Variants in NFATC3 observed in about 807,000 individuals in gnomAD.
The protein encoded by NFATC3 is nuclear factor of activated T cells 3.
A neutral mutation model predicts 98.6 loss-of-function variants in NFATC3; 46 were observed. The ratio of observed to expected loss-of-function variants is 0.47; its 90% CI spans 0.37 to 0.60. The LOEUF is 0.60. Ranked by LOEUF, NFATC3 falls within the 20% of genes least tolerant of loss-of-function variation. NFATC3 has a pLI of 0.00. For synonymous variants in NFATC3, 512 were observed against 472.2 expected, an observed-to-expected ratio of 1.08 and a Z score of -1.09; for missense variants, 1,256 against 1,295.5, an observed-to-expected ratio of 0.97 and a Z score of 0.47.
chr16:68,138,502 G>A, intron 3 of NFATC3: 1 of 1,266,886 alleles, frequency 7.9e-7, no homozygotes, highest in Admixed American at 2.7e-5. Context: ...CTTTCAAATT[G>A]TTGCTCAGGA....
intron 3 of NFATC3, among the ~76,000 whole-genome samples, chr16:68,139,538 A>G (rs1414714577): frequency 6.6e-6 from 1 of 152,204 alleles, no homozygotes; most frequent in African/African-American, 2.4e-5. Context: ...GTACTTAAAC[A>G]TCAGTTATAA....
In NFATC3 at chr16:68,122,357, G is replaced by C. The variant is rs749338390; in HGVS notation, c.474G>C (p.Arg158=). 6.2e-7 allele frequency: 1 copy of C among 1,614,008 alleles called. No individual in the cohort carries two copies. The highest frequency in any genetic ancestry group is 8.5e-7 in the Non-Finnish European group (1 of 1,180,006). The change falls in exon 2 of 10, where the codon CGG becomes CGC. Residue 158 remains arginine, a synonymous_variant. Coordinates refer to ENST00000346183, the MANE Select transcript of NFATC3 (RefSeq NM_173165.3). ...HLYLPLEPSY[R]ESSLSPSPAS... The stretch of plus-strand genomic sequence containing the variant: ...ATCTTCCTCTTGAGCCATCCTACCG[G>C]GAGTCTTCTCTTAGTCCTAGTCCTG...
chr16:68,168,494 TA>T (rs1250670749), intron 5 of NFATC3, among the ~76,000 whole-genome samples: 2 of 149,896 alleles, frequency 1.3e-5, no homozygotes, highest in Admixed American at 6.7e-5. Flanking sequence ...TTATTATTAT[TA>T]TTATTTTTTA....
chr16:68,086,937 C>T, intron 1 of NFATC3: 2 of 310,192 alleles, frequency 6.4e-6, no homozygotes, highest in Non-Finnish European at 9.4e-6. Flanking sequence ...TACGTCGAAC[C>T]ACTCTTACGG....
chr16:68,114,182 T>A (rs1363956970), intron 1 of NFATC3, among the ~76,000 whole-genome samples: 1 of 152,172 alleles, frequency 6.6e-6, no homozygotes, highest in Non-Finnish European at 1.5e-5. Context: ...CTCCCTTGGC[T>A]GGGTGTGGGA....
chr16:68,166,951 A>G lies in NFATC3; in HGVS notation c.1710A>G (p.Val570=), dbSNP rs981072067. 3 of 1,614,094 alleles carry G rather than the reference A, an allele frequency of 1.9e-6. No homozygotes were observed. Among genetic ancestry groups the G allele is most frequent in the Middle Eastern group, 1.6e-4 (1 of 6,084 alleles). ...KNTRVRLVFR[V]HIPQPSGKVL... The stretch of plus-strand genomic sequence containing the variant: ...CTAGAGTACGACTTGTGTTTCGTGT[A>G]CACATCCCACAGCCCAGTGGAAAAG... The change falls in exon 5 of 10, where the codon GTA becomes GTG. Residue 570 remains valine (V), a synonymous_variant. Coordinates refer to ENST00000346183, the MANE Select transcript of NFATC3 (RefSeq NM_173165.3).
chr16:68,182,420 G>A (rs1041208999), intron 7 of NFATC3, among the ~76,000 whole-genome samples: 1 of 152,066 alleles, frequency 6.6e-6, no homozygotes, highest in African/African-American at 2.4e-5. Flanking sequence ...TTGGTTTGGG[G>A]CTAAAGATTT....
chr16:68,111,173 A>G (rs1016995039), intron 1 of NFATC3, among the ~76,000 whole-genome samples: 10 of 152,272 alleles, frequency 6.6e-5, no homozygotes, highest in African/African-American at 2.4e-4. Context: ...AGTCCTGAAT[A>G]TCTTTGTTAA....
chr16:68,087,458 C>G (rs2034446947), intron 1 of NFATC3, among the ~76,000 whole-genome samples: 1 of 152,110 alleles, frequency 6.6e-6, no homozygotes, highest in Non-Finnish European at 1.5e-5. Flanking sequence ...TGATTTATAA[C>G]TGAAATTTCA....
chr16:68,149,000 G>GA (rs1349636327), intron 3 of NFATC3, among the ~76,000 whole-genome samples: 5 of 150,926 alleles, frequency 3.3e-5, no homozygotes, highest in Admixed American at 6.6e-5. Context: ...CATCTTAAAA[G>GA]AAAAAAAAAT....
At chr16:68,200,194 T>C (rs959410125) in intron 9 of NFATC3, 1 of 151,922 alleles carries the variant, frequency 6.6e-6, no homozygotes, top group African/African-American at 2.4e-5. Context: ...TCCTTCTGCT[T>C]GAACCGTGAT....
At chr16:68,161,768 C>T (rs2038903856) in intron 4 of NFATC3, among the ~76,000 whole-genome samples, 1 of 151,790 alleles carries the variant, frequency 6.6e-6, no homozygotes, top group Admixed American at 6.6e-5. Context: ...TTATTTGTAT[C>T]TATATTGTAA....
chr16:68,208,418 GT>G (rs1214585826), intron 9 of NFATC3, among the ~76,000 whole-genome samples: 2 of 152,088 alleles, frequency 1.3e-5, no homozygotes, highest in African/African-American at 4.8e-5. Flanking sequence ...AAATAGAATT[GT>G]TTTTCTTAAG....
intron 9 of NFATC3, among the ~76,000 whole-genome samples, chr16:68,202,726 C>A (rs1030735939): frequency 6.6e-6 from 1 of 152,024 alleles, no homozygotes; most frequent in Non-Finnish European, 1.5e-5. Flanking sequence ...GCAGGAGAAT[C>A]GCTTGAACCT....
intron 8 of NFATC3, among the ~76,000 whole-genome samples, chr16:68,185,862 CAAAAAAAAA>C (rs764335192): frequency 1.2e-4 from 6 of 49,342 alleles, no homozygotes; most frequent in East Asian, 6.4e-4. Flanking sequence ...GACTCCGTCT[CAAAAAAAAA>C]AAAAAAAAAA....
chr16:68,125,889 T>TTTA (rs1555515461), intron 2 of NFATC3, among the ~76,000 whole-genome samples: 3 of 151,870 alleles, frequency 2.0e-5, no homozygotes, highest in African/African-American at 4.8e-5. Context: ...TTTATTTTAT[T>TTTA]TTATTATTAT....
chr16:68,214,412 C>A, intron 9 of NFATC3: 6 of 1,614,022 alleles, frequency 3.7e-6, no homozygotes, highest in Non-Finnish European at 5.1e-6. Context: ...ATGTCCAGCT[C>A]CTTTCTGGAG....
chr16:68,098,450 C>T (rs745568680), intron 1 of NFATC3, among the ~76,000 whole-genome samples: 17 of 151,664 alleles, frequency 1.1e-4, no homozygotes, highest in Non-Finnish European at 2.1e-4. Flanking sequence ...TGCAGGCACA[C>T]GCCACCATGC....
At position 68,222,289 on chromosome 16, in the gene NFATC3, C is replaced by CAAAAAAAAAAAAAAAA. The variant is rs58981935; in HGVS notation, c.3107-4039_3107-4024dup. Among the ~76,000 whole-genome samples the CAAAAAAAAAAAAAAAA allele has an allele frequency of 8.3e-4, 22 of 26,414 alleles. 1 individual carries two copies. The highest frequency in any genetic ancestry group is 1.4e-3 in the Non-Finnish European group (16 of 11,304). The allele number at this position is 26,414 out of a possible 152,430, so 17.3% of individuals were successfully genotyped here. ...GGGCAACAGAGTGAGACCCCATTGC[C>CAAAAAAAAAAAAAAAA]AAAAAAAAAAAAAAAAAAAAAAAAA... On this transcript the variant is annotated intron_variant, in intron 9 of 9. Coordinates refer to ENST00000346183, the MANE Select transcript of NFATC3 (RefSeq NM_173165.3).
Sources: gnomAD v4.1 joint callset for allele counts (sites outside exome capture counted in the v4.1 genomes callset) on GRCh38, gnomAD v4.1.1 for gene constraint, MANE v1.5 for transcripts, NCBI Gene and HGNC (gene_info 2026-07-23, HGNC 2026-07-21) for gene names.